CAPN5: variants seen among roughly 807,000 people sequenced by gnomAD.
CAPN5 encodes the protein calpain-5.
In CAPN5, 54 loss-of-function variants were observed where a neutral mutation model predicts 73.0. The ratio of observed to expected loss-of-function variants is 0.74; its 90% CI spans 0.59 to 0.93. The LOEUF is 0.93. Ranked by LOEUF, CAPN5 falls within the 40% of genes least tolerant of loss-of-function variation. The pLI, the probability that CAPN5 is intolerant of heterozygous loss-of-function variation, is 0.00. For synonymous variants in CAPN5, 335 were observed against 356.9 expected (o/e 0.94, Z 0.69); for missense variants, 785 against 882.9 (o/e 0.89, Z 1.41).
At position 77,112,700 on chromosome 11, in the gene CAPN5, G is replaced by A. The variant is rs1223523116; in HGVS notation, c.409G>A (p.Asp137Asn). Reference protein sequence around the residue: ...RFGEWVDVVIDDRLPTVNNQL... With the variant: ...RFGEWVDVVINDRLPTVNNQL... Reference sequence around the variant, plus strand: ...CGGGGAATGGGTGGACGTGGTCATCGATGACCGGCTGCCCACAGTCAACAA... The same window carrying A: ...CGGGGAATGGGTGGACGTGGTCATCAATGACCGGCTGCCCACAGTCAACAA... Residue 137 changes from aspartate to asparagine, a missense_variant, in exon 4 of 13, where the codon GAT (aspartate) becomes AAT (asparagine). Asp to Asn is a conservative substitution (Grantham distance 23, BLOSUM62 1). Coordinates refer to ENST00000648180, the MANE Select transcript of CAPN5 (RefSeq NM_004055.5). 1.2e-6 allele frequency: 2 copies of A among 1,614,120 alleles called. No homozygotes were observed. The highest frequency in any genetic ancestry group is 1.1e-5 in the South Asian group (1 of 91,090).
intron 2 of CAPN5, 33 bp from the exon 3 acceptor site, chr11:77,093,649 G>GC (rs1328647720): frequency 9.1e-6 from 14 of 1,539,782 alleles, no homozygotes; most frequent in Non-Finnish European, 1.1e-5. Flanking sequence ...ATGCTCCTCC[G>GC]CCCCTCACGC....
intron 3 of CAPN5, among the ~76,000 whole-genome samples, chr11:77,105,345 G>C (rs897589021): frequency 6.6e-6 from 1 of 152,036 alleles, no homozygotes; most frequent in Admixed American, 6.5e-5. Flanking sequence ...GAATAATCAG[G>C]GGCTTCACCG....
At chr11:77,093,292 G>A (rs1950169763) in intron 2 of CAPN5, among the ~76,000 whole-genome samples, 1 of 152,226 alleles carries the variant, frequency 6.6e-6, no homozygotes, top group Admixed American at 6.5e-5. Context: ...TGGCGGGGGT[G>A]GGCACTCAGG....
In CAPN5 at chr11:77,105,851, C is replaced by T. The variant is rs1031615711; in HGVS notation, c.298-6738C>T. 3.9e-5 allele frequency among the ~76,000 whole-genome samples: 6 copies of T among 152,204 alleles called. No individual in the cohort carries two copies. In the South Asian group the frequency reaches 1.2e-3, roughly 32 times the overall value. On this transcript the variant is annotated intron_variant, in intron 3 of 12. Transcript: ENST00000648180. ...CTGTTCCCTCATCACCACTCTGAAG[C>T]GCACTCATTTTTGGACAGGGACAAC...
chr11:77,125,982 A>G lies in CAPN5; in HGVS notation c.*2112A>G, dbSNP rs1368620962. 1 of 152,106 alleles carries G rather than the reference A, an allele frequency of 6.6e-6. No individual in the cohort carries two copies. The highest frequency in any genetic ancestry group is 1.5e-5 in the Non-Finnish European group (1 of 68,004). The allele number at this position is 152,106 out of a possible 1,614,324, so 9.4% of individuals were successfully genotyped here. ...GGATCAGGGGTGATAGGGGAGAGCA[A>G]TTACTTTGTTCACTGTATGCACCCG... On this transcript the variant is annotated 3_prime_UTR_variant, in exon 13 of 13. Transcript: ENST00000648180.
At chr11:77,095,446 C>T (rs1950197871) in intron 3 of CAPN5, among the ~76,000 whole-genome samples, 1 of 152,206 alleles carries the variant, frequency 6.6e-6, no homozygotes, top group African/African-American at 2.4e-5. Context: ...CTTTCACCTC[C>T]CCCGTGAGGT....
chr11:77,082,223 T>G (rs1591114562), intron 1 of CAPN5, among the ~76,000 whole-genome samples: 2 of 150,880 alleles, frequency 1.3e-5, no homozygotes, highest in African/African-American at 2.4e-5. Context: ...CAGCCCAGGG[T>G]GGAGAATGGT....
At chr11:77,095,524 G>C (rs1555037377) in intron 3 of CAPN5, among the ~76,000 whole-genome samples, 1 of 152,222 alleles carries the variant, frequency 6.6e-6, no homozygotes, top group African/African-American at 2.4e-5. Flanking sequence ...ACCTGGAGTA[G>C]AGAAGGCTCA....
At chr11:77,098,304 G>A (rs1442192358) in intron 3 of CAPN5, among the ~76,000 whole-genome samples, 3 of 97,652 alleles carry the variant, frequency 3.1e-5, no homozygotes, top group Non-Finnish European at 4.4e-5. Flanking sequence ...CCTCCCGGAC[G>A]GGGCAGCTGG....
In CAPN5 at chr11:77,113,401, G is replaced by A. The variant is rs543572368; in HGVS notation, c.506+604G>A. Among the ~76,000 whole-genome samples the A allele has an allele frequency of 5.6e-4, 85 of 152,312 alleles. 1 individual carries two copies. The highest frequency in any genetic ancestry group is 4.8e-3 in the Admixed American group (74 of 15,300). ...GGAACCCTGGGGAAGAGTGACTCGC[G>A]CAGGCCGTTGCAGGGCAGGGATACG... On this transcript the variant is annotated intron_variant, in intron 4 of 12. Transcript: ENST00000648180.
intron 1 of CAPN5, among the ~76,000 whole-genome samples, chr11:77,083,636 C>T (rs1950050293): frequency 6.6e-6 from 1 of 152,230 alleles, no homozygotes; most frequent in Non-Finnish European, 1.5e-5. Flanking sequence ...CTTGGGACCA[C>T]TGGGTGTCTT....
intron 2 of CAPN5, among the ~76,000 whole-genome samples, chr11:77,088,321 G>A (rs555303037): frequency 1.8e-4 from 27 of 152,210 alleles, no homozygotes; most frequent in Admixed American, 1.4e-3. Flanking sequence ...CCTACTCCTC[G>A]GCTCCCTGAA....
At chr11:77,117,603 T>A (rs139881183) in intron 7 of CAPN5, among the ~76,000 whole-genome samples, 1 of 152,310 alleles carries the variant, frequency 6.6e-6, no homozygotes, top group East Asian at 1.9e-4. Flanking sequence ...TTCTCTTACA[T>A]GTTCACGGTT....
intron 11 of CAPN5, 33 bp from the exon 12 acceptor site, chr11:77,122,543 A>ACC: frequency 4.3e-6 from 2 of 459,836 alleles, no homozygotes; most frequent in Non-Finnish European, 7.4e-6. Flanking sequence ...CCCCACCCCC[A>ACC]CCCTCACCCC....
chr11:77,090,677 C>T (rs1434683065), intron 2 of CAPN5, among the ~76,000 whole-genome samples: 1 of 152,174 alleles, frequency 6.6e-6, no homozygotes, highest in African/African-American at 2.4e-5. Flanking sequence ...TGCTGTAAAC[C>T]CTGGTGATGC....
chr11:77,096,260 C>T lies in CAPN5; in HGVS notation c.297+2447C>T, dbSNP rs906726182. 5.3e-5 allele frequency among the ~76,000 whole-genome samples: 8 copies of T among 152,308 alleles called. 1 individual carries two copies. The highest frequency in any genetic ancestry group is 4.1e-4 in the South Asian group (2 of 4,826). On this transcript the variant is annotated intron_variant, in intron 3 of 12. Transcript: ENST00000648180. ...TCGACACACACGCCCCCAACACACA[C>T]GCCCCCACAGCAAGCCACCCTTACC...
chr11:77,114,310 G>A lies in CAPN5; in HGVS notation c.575G>A (p.Gly192Asp). The A allele has an allele frequency of 6.2e-7, 1 of 1,614,212 alleles. No individual in the cohort carries two copies. The highest frequency in any genetic ancestry group is 8.5e-7 in the Non-Finnish European group (1 of 1,180,028). Residue 192 changes from glycine to aspartate, a missense_variant, in exon 5 of 13, where the codon GGT becomes GAT. Gly to Asp is a moderately conservative substitution (Grantham distance 94, BLOSUM62 -1). Coordinates refer to ENST00000648180, the MANE Select transcript of CAPN5 (RefSeq NM_004055.5). Reference sequence around the variant, plus strand: ...GACGCACTGGTGGACTTCACGGGTGGTGTTTCTGAGCCCATCGACCTGACC... The same window carrying A: ...GACGCACTGGTGGACTTCACGGGTGATGTTTCTGAGCCCATCGACCTGACC... ...TADALVDFTGGVSEPIDLTEG... is the reference protein window; with the variant it reads ...TADALVDFTGDVSEPIDLTEG...
In CAPN5 at chr11:77,112,714, C is replaced by T. The variant is rs781804431; in HGVS notation, c.423C>T (p.Pro141=). Residue 141 remains proline (P), a synonymous_variant, in exon 4 of 13, where the codon CCC becomes CCT. Coordinates refer to ENST00000648180, the MANE Select transcript of CAPN5 (RefSeq NM_004055.5). ...WVDVVIDDRL[P]TVNNQLIYCH... is the part of the protein sequence containing the mutation. Reference sequence around the variant, plus strand: ...ACGTGGTCATCGATGACCGGCTGCCCACAGTCAACAACCAGCTCATCTACT... The same window carrying T: ...ACGTGGTCATCGATGACCGGCTGCCTACAGTCAACAACCAGCTCATCTACT... 2 of 1,614,266 alleles carry T rather than the reference C, an allele frequency of 1.2e-6. No homozygotes were observed. Among genetic ancestry groups the T allele is most frequent in the Non-Finnish European group, 8.5e-7 (1 of 1,180,052 alleles).
intron 3 of CAPN5, among the ~76,000 whole-genome samples, chr11:77,108,515 C>T (rs1054990190): frequency 3.9e-5 from 6 of 152,034 alleles, no homozygotes; most frequent in Non-Finnish European, 7.4e-5. Context: ...CGTGGACTGC[C>T]GGGCCAGGTG....
Sources: allele counts gnomAD v4.1 joint callset (sites outside exome capture counted in the v4.1 genomes callset), GRCh38; gene constraint gnomAD v4.1.1; transcripts MANE v1.5; gene names NCBI Gene and HGNC (gene_info 2026-07-23, HGNC 2026-07-21).